FGF12: variants seen among roughly 807,000 people sequenced by gnomAD.
FGF12 encodes fibroblast growth factor 12B.
A neutral mutation model predicts 23.6 loss-of-function variants in FGF12; 14 were observed. The observed-to-expected ratio is 0.59, with a 90% confidence interval of 0.39 to 0.93. The LOEUF (loss-of-function observed/expected upper bound fraction) is 0.93, where lower values mean the gene tolerates loss of function less well. Among genes scored for constraint, FGF12 ranks in the 40% least tolerant of loss-of-function variants. FGF12 has a pLI of 0.00. For missense variants in FGF12, 175 were observed against 217.8 expected (o/e 0.80, Z 1.24); for synonymous variants, 62 against 77.3 (o/e 0.80, Z 1.04).
intron 2 of FGF12, among the ~76,000 whole-genome samples, chr3:192,637,865 C>T (rs1425104924): frequency 6.6e-6 from 1 of 152,142 alleles, no homozygotes; most frequent in Non-Finnish European, 1.5e-5. Context: ...TTCCAAAAAG[C>T]ACAATTTGAA....
At chr3:192,675,100 G>T (rs1434941152) in intron 2 of FGF12, among the ~76,000 whole-genome samples, 3 of 152,184 alleles carry the variant, frequency 2.0e-5, no homozygotes, top group Non-Finnish European at 4.4e-5. Flanking sequence ...TCACTTTGGA[G>T]ACAGTCTTAG....
chr3:192,158,374 CTTTCTTTCT>C (rs1305516839), intron 5 of FGF12, among the ~76,000 whole-genome samples: 1,570 of 117,314 alleles, frequency 0.013, 27 homozygotes, highest in Middle Eastern at 0.023. Flanking sequence ...TTCTTTCTTT[CTTTCTTTCT>C]TTTCTTTCTC....
chr3:192,543,510 C>A (rs567793544), intron 2 of FGF12, among the ~76,000 whole-genome samples: 3 of 151,864 alleles, frequency 2.0e-5, no homozygotes, highest in African/African-American at 7.3e-5. Flanking sequence ...CCATTGTGGC[C>A]GAGCTGGTAC....
At chr3:192,172,333 G>A (rs1455096845) in intron 4 of FGF12, among the ~76,000 whole-genome samples, 1 of 150,192 alleles carries the variant, frequency 6.7e-6, no homozygotes, top group Non-Finnish European at 1.5e-5. Context: ...ATGTTGCAGT[G>A]AGCAGAGATT....
intron 4 of FGF12, among the ~76,000 whole-genome samples, chr3:192,279,669 A>G (rs1714029047): frequency 6.6e-6 from 1 of 152,180 alleles, no homozygotes; most frequent in African/African-American, 2.4e-5. Flanking sequence ...TTTCCCCTAG[A>G]TCAATTTGTG....
intron 4 of FGF12, among the ~76,000 whole-genome samples, chr3:192,256,099 G>C (rs1577287708): frequency 6.6e-6 from 1 of 152,016 alleles, no homozygotes; most frequent in East Asian, 1.9e-4. Context: ...AACCCAGCTG[G>C]TTGGTCCTTG....
chr3:192,717,613 T>C (rs1718904317), intron 2 of FGF12, among the ~76,000 whole-genome samples: 1 of 152,134 alleles, frequency 6.6e-6, no homozygotes, highest in African/African-American at 2.4e-5. Context: ...AAATCTGCTT[T>C]ATGGGAAAAA....
At chr3:192,152,624 TTGAG>T (rs1714123231) in intron 5 of FGF12, among the ~76,000 whole-genome samples, 1 of 96,968 alleles carries the variant, frequency 1.0e-5, no homozygotes, top group African/African-American at 4.0e-5. Context: ...TTGAGCGGCT[TTGAG>T]TGAGATTCTT....
chr3:192,217,034 CA>C lies in FGF12; in HGVS notation c.229-46379del, dbSNP rs367662036. On this transcript the variant is annotated intron_variant, in intron 4 of 5. Transcript: ENST00000445105. The stretch of plus-strand genomic sequence containing the variant: ...TGTTTACTGAGTGGCACTTGCTATA[CA>C]TACAGTATGCAAGAGCACAGTGGTT... Among the ~76,000 whole-genome samples the C allele has an allele frequency of 3.9e-5, 6 of 152,282 alleles. No homozygotes were observed. In the East Asian group the frequency reaches 1.2e-3, roughly 29 times the overall value.
At chr3:192,498,383 T>C (rs1004396837) in intron 2 of FGF12, among the ~76,000 whole-genome samples, 6 of 152,390 alleles carry the variant, frequency 3.9e-5, no homozygotes, top group African/African-American at 1.4e-4. Context: ...TCCTTCTGCC[T>C]GTGCTGTTAT....
intron 4 of FGF12, among the ~76,000 whole-genome samples, chr3:192,261,263 G>A (rs1332167302): frequency 6.6e-6 from 1 of 152,086 alleles, no homozygotes; most frequent in Non-Finnish European, 1.5e-5. Flanking sequence ...TTCAAACGTT[G>A]GCCATGGCCG....
intron 4 of FGF12, chr3:192,282,843 A>G (rs1445184303): frequency 1.3e-5 from 2 of 152,172 alleles, no homozygotes; most frequent in African/African-American, 2.4e-5. Flanking sequence ...AGTATATACT[A>G]TAAATAAGGC....
At chr3:192,443,069 A>G (rs758298226) in intron 2 of FGF12, among the ~76,000 whole-genome samples, 14 of 152,074 alleles carry the variant, frequency 9.2e-5, no homozygotes, top group Non-Finnish European at 1.6e-4. Flanking sequence ...CAACCTCCTA[A>G]AGTGCTGAGA....
chr3:192,332,867 C>T (rs941180680), intron 4 of FGF12, among the ~76,000 whole-genome samples: 3 of 152,042 alleles, frequency 2.0e-5, no homozygotes, highest in Non-Finnish European at 4.4e-5. Flanking sequence ...GAAATTCTAG[C>T]CTTAATGCAT....
intron 2 of FGF12, among the ~76,000 whole-genome samples, chr3:192,595,497 T>C (rs1038976006): frequency 6.6e-6 from 1 of 152,212 alleles, no homozygotes; most frequent in Non-Finnish European, 1.5e-5. Context: ...GAGGTTTTAG[T>C]AGAGCAGTGG....
At chr3:192,198,402 A>G (rs938970521) in intron 4 of FGF12, among the ~76,000 whole-genome samples, 2 of 151,814 alleles carry the variant, frequency 1.3e-5, no homozygotes, top group African/African-American at 4.8e-5. Context: ...CATTAGATTG[A>G]GCATAAAAAC....
chr3:192,457,000 C>G (rs1722701338), intron 2 of FGF12, among the ~76,000 whole-genome samples: 1 of 152,204 alleles, frequency 6.6e-6, no homozygotes, highest in South Asian at 2.1e-4. Flanking sequence ...CAGTTTCCCC[C>G]ATACTGTTCC....
chr3:192,185,588 G>A (rs757506118), intron 4 of FGF12, among the ~76,000 whole-genome samples: 8 of 151,594 alleles, frequency 5.3e-5, no homozygotes, highest in African/African-American at 9.7e-5. Context: ...TAGGCCAGGC[G>A]TGGTGGCTCA....
intron 4 of FGF12, among the ~76,000 whole-genome samples, chr3:192,305,823 CAAT>C (rs1715611518): frequency 6.9e-6 from 1 of 144,526 alleles, no homozygotes; most frequent in Non-Finnish European, 1.5e-5. Flanking sequence ...TCTAAGATAG[CAAT>C]AATGACACTG....
Sources: gnomAD v4.1 joint callset for allele counts (sites outside exome capture counted in the v4.1 genomes callset) on GRCh38, gnomAD v4.1.1 for gene constraint, MANE v1.5 for transcripts, NCBI Gene and HGNC (gene_info 2026-07-23, HGNC 2026-07-21) for gene names.